The following MOB3B variants were observed in gnomAD, a reference collection of about 807,000 sequenced individuals.
MOB3B encodes MOB kinase activator-like 2B.
In MOB3B, 7 loss-of-function variants were observed where a neutral mutation model predicts 18.7. That is an observed-to-expected ratio of 0.37 (90% CI 0.21 to 0.70). The LOEUF is 0.70. Among genes scored for constraint, MOB3B ranks in the 30% least tolerant of loss-of-function variants. MOB3B has a pLI of 0.52. For missense variants in MOB3B, 253 were observed against 281.3 expected, an observed-to-expected ratio of 0.90 and a Z score of 0.72; for synonymous variants, 111 against 99.9, an observed-to-expected ratio of 1.11 and a Z score of -0.66.
chr9:27,349,855 G>A (rs928434311), intron 3 of MOB3B, among the ~76,000 whole-genome samples: 1 of 152,138 alleles, frequency 6.6e-6, no homozygotes, highest in Non-Finnish European at 1.5e-5. Flanking sequence ...AACAATGAAC[G>A]GAAATGCCTC....
At chr9:27,363,578 T>G (rs1821305083) in intron 2 of MOB3B, among the ~76,000 whole-genome samples, 1 of 152,072 alleles carries the variant, frequency 6.6e-6, no homozygotes, top group Non-Finnish European at 1.5e-5. Flanking sequence ...CAGTTTTTTT[T>G]TTTTTTAAAT....
chr9:27,403,408 C>G (rs1343804823), intron 2 of MOB3B, among the ~76,000 whole-genome samples: 1 of 149,792 alleles, frequency 6.7e-6, no homozygotes, highest in Non-Finnish European at 1.5e-5. Flanking sequence ...CAAATATGCA[C>G]ATATAGGGAG....
chr9:27,344,041 T>C (rs1820996405), intron 3 of MOB3B, among the ~76,000 whole-genome samples: 1 of 151,850 alleles, frequency 6.6e-6, no homozygotes, highest in Non-Finnish European at 1.5e-5. Context: ...ACTGTACACT[T>C]AAAAATAGTT....
intron 2 of MOB3B, among the ~76,000 whole-genome samples, chr9:27,402,620 T>C (rs899252263): frequency 1.3e-5 from 2 of 152,254 alleles, no homozygotes; most frequent in South Asian, 2.1e-4. Context: ...ATGAGACCAC[T>C]AAGTTAACAA....
At position 27,455,149 on chromosome 9, in the gene MOB3B, T is replaced by A; in HGVS notation, c.402A>T (p.Ile134=). 1.2e-6 allele frequency: 2 copies of A among 1,614,104 alleles called. No homozygotes were observed. The highest frequency in any genetic ancestry group is 1.7e-6 in the Non-Finnish European group (2 of 1,179,998). Residue 134 remains isoleucine, a synonymous_variant, in exon 2 of 4, where the codon ATA becomes ATT. Transcript: ENST00000262244. ...WIEVQINNEE[I]FPTCVGVPFP... ...TGAACTTACCCACGCATGTTGGAAA[T>A]ATTTCCTCGTTGTTGATCTGAACCT... is the stretch of plus-strand genomic sequence containing the variant.
intron 1 of MOB3B, among the ~76,000 whole-genome samples, chr9:27,481,967 C>G (rs1009220621): frequency 4.0e-5 from 6 of 150,820 alleles, no homozygotes; most frequent in African/African-American, 1.2e-4. Flanking sequence ...TTTTAAAAAG[C>G]AAACACTGAA....
chr9:27,401,346 A>T (rs764398869), intron 2 of MOB3B, among the ~76,000 whole-genome samples: 2 of 152,126 alleles, frequency 1.3e-5, no homozygotes, highest in Non-Finnish European at 2.9e-5. Context: ...CTTAGTGCAA[A>T]AGTCCTGAAA....
intron 2 of MOB3B, among the ~76,000 whole-genome samples, chr9:27,437,048 C>T (rs920398354): frequency 8.6e-5 from 13 of 151,878 alleles, no homozygotes; most frequent in Non-Finnish European, 1.6e-4. Context: ...ATAAAAAAGC[C>T]TAGGGTGGCT....
intron 1 of MOB3B, among the ~76,000 whole-genome samples, chr9:27,527,200 T>C (rs200460116): frequency 6.6e-6 from 1 of 152,166 alleles, no homozygotes; most frequent in African/African-American, 2.4e-5. Flanking sequence ...AGACAAGAAA[T>C]GCTCTTTTAT....
intron 3 of MOB3B, among the ~76,000 whole-genome samples, chr9:27,355,391 C>T (rs1821173313): frequency 6.6e-6 from 1 of 152,126 alleles, no homozygotes; most frequent in Admixed American, 6.5e-5. Context: ...CAAATGCTGC[C>T]CTTCTGGCCC....
chr9:27,495,293 C>T (rs922964705), intron 1 of MOB3B, among the ~76,000 whole-genome samples: 4 of 152,076 alleles, frequency 2.6e-5, no homozygotes, highest in African/African-American at 9.7e-5. Flanking sequence ...ATTGTACCAC[C>T]ACACTCCAGC....
chr9:27,500,854 C>A (rs142849917), intron 1 of MOB3B, among the ~76,000 whole-genome samples: 4,879 of 151,970 alleles, frequency 0.032, 430 homozygotes, highest in East Asian at 0.28. Flanking sequence ...ACCCATCTGA[C>A]AAAGGGTTAA....
chr9:27,520,633 T>C (rs944662744), intron 1 of MOB3B, among the ~76,000 whole-genome samples: 1 of 152,232 alleles, frequency 6.6e-6, no homozygotes, highest in Admixed American at 6.5e-5. Flanking sequence ...TGTGTGTCAG[T>C]ATTATTTTGT....
chr9:27,512,643 G>A (rs1461349100), intron 1 of MOB3B, among the ~76,000 whole-genome samples: 6 of 152,132 alleles, frequency 3.9e-5, no homozygotes, highest in African/African-American at 1.2e-4. Flanking sequence ...CTGTTTCATG[G>A]GTGTATAGTT....
chr9:27,480,850 G>C (rs1229504961), intron 1 of MOB3B, among the ~76,000 whole-genome samples: 1 of 152,126 alleles, frequency 6.6e-6, no homozygotes, highest in Non-Finnish European at 1.5e-5. Flanking sequence ...AAGAATATAA[G>C]AAAGAATTAA....
chr9:27,489,610 G>C (rs1819783623), intron 1 of MOB3B, among the ~76,000 whole-genome samples: 1 of 152,162 alleles, frequency 6.6e-6, no homozygotes, highest in South Asian at 2.1e-4. Flanking sequence ...GAAGATAAAG[G>C]CTAACCACGT....
chr9:27,504,073 C>G (rs1172114409), intron 1 of MOB3B, among the ~76,000 whole-genome samples: 1 of 152,230 alleles, frequency 6.6e-6, no homozygotes, highest in Non-Finnish European at 1.5e-5. Context: ...TCCTGGATAA[C>G]TGAACTGTGA....
chr9:27,501,364 A>G (rs1457211696), intron 1 of MOB3B, among the ~76,000 whole-genome samples: 2 of 152,162 alleles, frequency 1.3e-5, no homozygotes, highest in Middle Eastern at 3.2e-3. Context: ...ATGCCCATCA[A>G]TGATAGACTG....
chr9:27,470,114 G>GAAA (rs751414011), intron 1 of MOB3B, among the ~76,000 whole-genome samples: 5,224 of 125,938 alleles, frequency 0.041, 377 homozygotes, highest in African/African-American at 0.14. Flanking sequence ...TCTCTTAAAA[G>GAAA]AAAAAAAAAA....
Sources: gnomAD v4.1 joint callset for allele counts (sites outside exome capture counted in the v4.1 genomes callset) on GRCh38, gnomAD v4.1.1 for gene constraint, MANE v1.5 for transcripts, NCBI Gene and HGNC (gene_info 2026-07-23, HGNC 2026-07-21) for gene names.